Variants in EPYC observed in about 807,000 individuals in gnomAD.
The protein encoded by EPYC is dermatan sulfate proteoglycan 3.
A neutral mutation model predicts 30.1 loss-of-function variants in EPYC; 28 were observed. The ratio of observed to expected loss-of-function variants is 0.93; its 90% CI spans 0.69 to 1.28. The LOEUF is 1.28. EPYC is among the 50% of genes most tolerant of loss of function. The pLI, the probability that EPYC is intolerant of heterozygous loss-of-function variation, is 0.00. For missense variants in EPYC, 382 were observed against 383.5 expected (o/e 1.00, Z 0.03); for synonymous variants, 144 against 141.4 (o/e 1.02, Z -0.13).
At chr12:90,979,406 T>G (rs1425303943) in intron 2 of EPYC, among the ~76,000 whole-genome samples, 1 of 152,196 alleles carries the variant, frequency 6.6e-6, no homozygotes, top group Admixed American at 6.6e-5. Context: ...TCTGGATTAC[T>G]TAATACCAAG....
At chr12:90,998,585 G>C (rs1288108375) in intron 2 of EPYC, among the ~76,000 whole-genome samples, 1 of 152,062 alleles carries the variant, frequency 6.6e-6, no homozygotes, top group Non-Finnish European at 1.5e-5. Context: ...CTTCCCCTGG[G>C]TTTTGGGGAT....
At position 90,970,104 on chromosome 12, in the gene EPYC, A is replaced by G. The variant is rs750175271; in HGVS notation, c.738T>C (p.Asp246=). Reference sequence around the variant, plus strand: ...GCAGAGGGATGTGGTCCAAGTTGTTATCAGTGAGGTACAGATGATGGAGAT... The same window carrying G: ...GCAGAGGGATGTGGTCCAAGTTGTTGTCAGTGAGGTACAGATGATGGAGAT... ...MYDLHHLYLT[D]NNLDHIPLPL... The change falls in exon 6 of 7, where the codon GAT becomes GAC. Residue 246 remains aspartate, a synonymous_variant. Transcript: ENST00000261172. 6.2e-7 allele frequency: 1 copy of G among 1,613,994 alleles called. No individual in the cohort carries two copies. Among genetic ancestry groups the G allele is most frequent in the Admixed American group, 1.7e-5 (1 of 60,016 alleles).
rs777668107 is a variant in EPYC at position 90,978,134 on chromosome 12, G to C, written c.294C>G (p.Pro98=). ...STPRLIDGSS[P]QEPEFTGVLG... ...GAACCCCTGTGAATTCAGGCTCCTG[G>C]GGAGAAGAGCCATCAATCAGCCTGG... The change falls in exon 3 of 7, where the codon CCC becomes CCG. Residue 98 remains proline (P), a synonymous_variant. Coordinates refer to ENST00000261172, the MANE Select transcript of EPYC (RefSeq NM_004950.5). 6.2e-7 allele frequency: 1 copy of C among 1,602,902 alleles called. No individual in the cohort carries two copies. The highest frequency in any genetic ancestry group is 8.5e-7 in the Non-Finnish European group (1 of 1,175,600).
intron 2 of EPYC, among the ~76,000 whole-genome samples, chr12:91,001,063 T>C (rs559339493): frequency 1.3e-5 from 2 of 152,104 alleles, no homozygotes; most frequent in South Asian, 4.2e-4. Flanking sequence ...TAATCTGCTG[T>C]AGAGCCTAAA....
rs1876825036 is a variant in EPYC, at chr12:90,963,936, A to C, written c.*220T>G. On this transcript the variant is annotated 3_prime_UTR_variant, in exon 7 of 7. Transcript: ENST00000261172. ...ATGTGTGAAATATTTTCTATCACTT[A>C]GTTTTGCTCTTTTTGTAAATGTTAT... is the stretch of plus-strand genomic sequence containing the variant. The C allele has an allele frequency of 2.7e-6, 1 of 363,916 alleles. No individual in the cohort carries two copies. The allele number at this position is 363,916 out of a possible 1,614,324, so 22.5% of individuals were successfully genotyped here.
At chr12:90,975,282 A>G (rs189990787) in intron 3 of EPYC, among the ~76,000 whole-genome samples, 2 of 152,038 alleles carry the variant, frequency 1.3e-5, no homozygotes, top group Non-Finnish European at 2.9e-5. Flanking sequence ...TAATTAAGCA[A>G]TGATTGCTTA....
intron 2 of EPYC, among the ~76,000 whole-genome samples, chr12:90,994,133 A>T (rs2120858818): frequency 6.6e-6 from 1 of 152,226 alleles, no homozygotes; most frequent in South Asian, 2.1e-4. Flanking sequence ...ATTTGGTCTA[A>T]TTTGCCTTCC....
chr12:90,978,730 T>C (rs139704632), intron 2 of EPYC, among the ~76,000 whole-genome samples: 139 of 152,274 alleles, frequency 9.1e-4, no homozygotes, highest in African/African-American at 3.1e-3. Context: ...ACATATTATC[T>C]TGTCCTTTCA....
At chr12:91,002,742 T>C (rs1877862066) in intron 1 of EPYC, among the ~76,000 whole-genome samples, 164 bp from the exon 2 acceptor site, 3 of 149,748 alleles carry the variant, frequency 2.0e-5, no homozygotes, top group Non-Finnish European at 4.5e-5. Flanking sequence ...TCTGATTTCC[T>C]AGGACCATTG....
chr12:90,980,712 A>G (rs1204063998), intron 2 of EPYC, among the ~76,000 whole-genome samples: 1 of 152,188 alleles, frequency 6.6e-6, no homozygotes, highest in Non-Finnish European at 1.5e-5. Context: ...CTTTTTTCTC[A>G]AGCTACAATT....
At chr12:90,968,509 G>A (rs1326549550) in intron 6 of EPYC, among the ~76,000 whole-genome samples, 1 of 152,124 alleles carries the variant, frequency 6.6e-6, no homozygotes, top group East Asian at 1.9e-4. Context: ...ATTTATTTAT[G>A]TATTAAAAAT....
chr12:90,994,372 T>A (rs1877652832), intron 2 of EPYC, among the ~76,000 whole-genome samples: 1 of 152,178 alleles, frequency 6.6e-6, no homozygotes, highest in Admixed American at 6.6e-5. Context: ...ACAGCTAACA[T>A]GTTTATCTTA....
At chr12:91,003,402 T>C (rs2141678) in intron 1 of EPYC, among the ~76,000 whole-genome samples, 100,711 of 151,938 alleles carry the variant, frequency 0.66, 36,154 homozygotes, top group East Asian at 0.8. Flanking sequence ...TAAAAGGCAC[T>C]ATTTGGTAAG....
intron 2 of EPYC, among the ~76,000 whole-genome samples, chr12:90,989,848 G>A (rs1430909008): frequency 6.6e-6 from 1 of 152,006 alleles, no homozygotes; most frequent in Non-Finnish European, 1.5e-5. Context: ...TTAGGCTCCA[G>A]AAACTTAATA....
chr12:90,999,739 A>G (rs1484576399), intron 2 of EPYC, among the ~76,000 whole-genome samples: 1 of 152,098 alleles, frequency 6.6e-6, no homozygotes, highest in Non-Finnish European at 1.5e-5. Flanking sequence ...TAACTCTATT[A>G]ATCTATTCAC....
chr12:90,966,934 A>G (rs1876911133), intron 6 of EPYC, among the ~76,000 whole-genome samples: 1 of 151,976 alleles, frequency 6.6e-6, no homozygotes, highest in Admixed American at 6.6e-5. Flanking sequence ...AATCCTTATG[A>G]TCCTTCTTAT....
At chr12:90,985,571 T>G (rs1877429477) in intron 2 of EPYC, among the ~76,000 whole-genome samples, 1 of 152,018 alleles carries the variant, frequency 6.6e-6, no homozygotes, top group Non-Finnish European at 1.5e-5. Context: ...CAAACAAACC[T>G]TGGTGGTTCA....
At chr12:90,971,325 A>G (rs968415916) in intron 5 of EPYC, among the ~76,000 whole-genome samples, 13 of 152,238 alleles carry the variant, frequency 8.5e-5, no homozygotes, top group African/African-American at 2.9e-4. Context: ...GAAGCATGAC[A>G]GATGCAGTTG....
In EPYC at chr12:90,964,094, G is replaced by A; in HGVS notation, c.*62C>T. ...AAGTATCATGCTGAGTTTTGTTTTG[G>A]AAGAGAGCAGTAAGAATGGTTTATT... is the stretch of plus-strand genomic sequence containing the variant. On this transcript the variant is annotated 3_prime_UTR_variant, in exon 7 of 7. Coordinates refer to ENST00000261172, the MANE Select transcript of EPYC (RefSeq NM_004950.5). The A allele has an allele frequency of 7.1e-7, 1 of 1,412,384 alleles. No individual in the cohort carries two copies. Among genetic ancestry groups the A allele is most frequent in the South Asian group, 1.4e-5 (1 of 71,714 alleles). The allele number at this position is 1,412,384 out of a possible 1,614,324, so 87.5% of individuals were successfully genotyped here. A position where few individuals can be genotyped will look rare whatever the true frequency, so the allele number is the denominator to read the frequency against.
Sources: gnomAD v4.1 joint callset for allele counts (sites outside exome capture counted in the v4.1 genomes callset) on GRCh38, gnomAD v4.1.1 for gene constraint, MANE v1.5 for transcripts, NCBI Gene and HGNC (gene_info 2026-07-23, HGNC 2026-07-21) for gene names.